The following MRAS variants were observed in gnomAD, a reference collection of about 807,000 sequenced individuals.
MRAS encodes the protein muscle RAS oncogene homolog.
In MRAS, 4 loss-of-function variants were observed where a neutral mutation model predicts 20.9. The ratio of observed to expected loss-of-function variants is 0.19; its 90% CI spans 0.09 to 0.44. The LOEUF (loss-of-function observed/expected upper bound fraction) is 0.44. Among genes scored for constraint, MRAS ranks in the 20% least tolerant of loss-of-function variants. The probability of loss-of-function intolerance (pLI) is 0.99; values close to 1 mark genes in which losing one functional copy is unlikely to be tolerated. For synonymous variants in MRAS, 98 were observed against 102.9 expected (o/e 0.95, Z 0.29); for missense variants, 154 against 277.5 (o/e 0.56, Z 3.16).
chr3:138,395,368 A>G (rs1046937502), intron 2 of MRAS, among the ~76,000 whole-genome samples: 1 of 152,028 alleles, frequency 6.6e-6, no homozygotes, highest in Non-Finnish European at 1.5e-5. Flanking sequence ...CAAACTCTCC[A>G]GTGGCCCCAG....
chr3:138,349,888 T>C (rs2108486420), intron 1 of MRAS: 1 of 152,298 alleles, frequency 6.6e-6, no homozygotes, highest in African/African-American at 2.4e-5. Context: ...AGACACCTCT[T>C]GACAAGACAC....
At chr3:138,357,155 G>A (rs746550699) in intron 1 of MRAS, among the ~76,000 whole-genome samples, 6 of 152,234 alleles carry the variant, frequency 3.9e-5, no homozygotes, top group Non-Finnish European at 8.8e-5. Context: ...TTAGGGTTGG[G>A]GTGGGTAAAT....
chr3:138,366,782 A>G (rs562224166), intron 1 of MRAS, among the ~76,000 whole-genome samples: 1 of 152,358 alleles, frequency 6.6e-6, no homozygotes, highest in African/African-American at 2.4e-5. Context: ...TGTTGCTGCT[A>G]TGCAGCTCCT....
chr3:138,388,599 T>A (rs2055065141), intron 2 of MRAS, among the ~76,000 whole-genome samples: 1 of 152,016 alleles, frequency 6.6e-6, no homozygotes, highest in Non-Finnish European at 1.5e-5. Context: ...CTTGGGAGGC[T>A]GAGGCATGAG....
At chr3:138,381,976 G>T (rs1413521348) in intron 2 of MRAS, among the ~76,000 whole-genome samples, 3 of 152,168 alleles carry the variant, frequency 2.0e-5, no homozygotes, top group Non-Finnish European at 4.4e-5. Context: ...TGCTCAGCAG[G>T]CCTTAGGCCA....
At chr3:138,364,150 A>T (rs2108508034) in intron 1 of MRAS, among the ~76,000 whole-genome samples, 1 of 152,084 alleles carries the variant, frequency 6.6e-6, no homozygotes, top group African/African-American at 2.4e-5. Context: ...ATAGTCGGGG[A>T]GCTGAGCCCC....
chr3:138,382,827 A>C (rs1167971265), intron 2 of MRAS, among the ~76,000 whole-genome samples: 1 of 152,182 alleles, frequency 6.6e-6, no homozygotes, highest in Non-Finnish European at 1.5e-5. Context: ...GTTTTGCCTG[A>C]GTTTCAGAAC....
intron 2 of MRAS, among the ~76,000 whole-genome samples, chr3:138,383,988 C>G (rs1235659703): frequency 6.6e-6 from 1 of 152,136 alleles, no homozygotes; most frequent in Non-Finnish European, 1.5e-5. Context: ...GCACCTGTAT[C>G]TGGAAGAGAA....
intron 3 of MRAS, among the ~76,000 whole-genome samples, 188 bp from the exon 4 acceptor site, chr3:138,398,280 CA>C (rs1464917822): frequency 6.6e-6 from 1 of 152,220 alleles, no homozygotes; most frequent in African/African-American, 2.4e-5. Context: ...AGATAGCCAG[CA>C]GCCCCCGGGC....
chr3:138,375,188 T>G lies in MRAS; in HGVS notation c.193+2112T>G, dbSNP rs145113634. On this transcript the variant is annotated intron_variant, in intron 2 of 5. Transcript: ENST00000423968. ...AGGTGTGAGCCACCATCCCTGGTCC[T>G]TGATTTTTTTAATATTAAACCAAAA... is the stretch of plus-strand genomic sequence containing the variant. Among the ~76,000 whole-genome samples the G allele has an allele frequency of 5.6e-4, 86 of 152,314 alleles. No homozygotes were observed. The East Asian group carries it at 0.012, about 22-fold the overall frequency.
At chr3:138,359,874 T>G (rs1258602590) in intron 1 of MRAS, among the ~76,000 whole-genome samples, 2 of 152,190 alleles carry the variant, frequency 1.3e-5, no homozygotes, top group African/African-American at 2.4e-5. Context: ...TACAGAGTGT[T>G]GATTTATTTG....
intron 1 of MRAS, among the ~76,000 whole-genome samples, chr3:138,353,932 C>T (rs1002008363): frequency 6.6e-6 from 1 of 152,244 alleles, no homozygotes; most frequent in Admixed American, 6.5e-5. Context: ...GAAGTGCATG[C>T]TCCTTCCGTT....
chr3:138,379,972 A>G (rs1374671450), intron 2 of MRAS, among the ~76,000 whole-genome samples: 1 of 151,986 alleles, frequency 6.6e-6, no homozygotes, highest in Admixed American at 6.6e-5. Flanking sequence ...TCTTTTCTCC[A>G]CATCTTCCCT....
At chr3:138,353,792 T>A (rs1371371825) in intron 1 of MRAS, among the ~76,000 whole-genome samples, 1 of 152,148 alleles carries the variant, frequency 6.6e-6, no homozygotes, top group African/African-American at 2.4e-5. Flanking sequence ...CTCACAAAAA[T>A]TGTGTTAGAT....
chr3:138,381,009 G>A (rs1439453906), intron 2 of MRAS, among the ~76,000 whole-genome samples: 12 of 151,884 alleles, frequency 7.9e-5, no homozygotes, highest in African/African-American at 2.4e-4. Context: ...TCTTGACCTC[G>A]TGATCCACCC....
chr3:138,354,572 AGT>A (rs1325063593), intron 1 of MRAS, among the ~76,000 whole-genome samples: 1 of 152,090 alleles, frequency 6.6e-6, no homozygotes, highest in Non-Finnish European at 1.5e-5. Flanking sequence ...CTCTGGGGAG[AGT>A]GTGTGTTTTT....
intron 2 of MRAS, among the ~76,000 whole-genome samples, chr3:138,388,375 C>T (rs140878983): frequency 2.4e-3 from 366 of 152,266 alleles, no homozygotes; most frequent in African/African-American, 8.1e-3. Flanking sequence ...CCTCCCATGA[C>T]GGGTTTGTGA....
intron 2 of MRAS, among the ~76,000 whole-genome samples, chr3:138,379,927 T>C (rs1467145954): frequency 1.3e-5 from 2 of 152,216 alleles, no homozygotes; most frequent in Admixed American, 6.5e-5. Flanking sequence ...GTGGCTATAC[T>C]AGTTTATATT....
rs2055434527 is a variant in MRAS at position 138,405,229 on chromosome 3, C to T, written c.*2960C>T. The T allele has an allele frequency of 1.3e-5, 2 of 152,620 alleles. No homozygotes were observed. The highest frequency in any genetic ancestry group is 1.3e-4 in the Admixed American group (2 of 15,278). The allele number at this position is 152,620 out of a possible 1,614,324, so 9.5% of individuals were successfully genotyped here. The stretch of plus-strand genomic sequence containing the variant: ...GTCTCACTTTTCCAGGAGACATGAC[C>T]CACTAACGTGGCAACTTTAACCCAA... On this transcript the variant is annotated 3_prime_UTR_variant, in exon 6 of 6. Coordinates refer to ENST00000423968, the MANE Select transcript of MRAS (RefSeq NM_001085049.3).
Sources: allele counts gnomAD v4.1 joint callset (sites outside exome capture counted in the v4.1 genomes callset), GRCh38; gene constraint gnomAD v4.1.1; transcripts MANE v1.5; gene names NCBI Gene and HGNC (gene_info 2026-07-23, HGNC 2026-07-21).